Variants in CUBN observed in about 807,000 individuals in gnomAD.
CUBN encodes cubilin, also known as 460 kDa receptor.
A neutral mutation model predicts 405.3 loss-of-function variants in CUBN; 282 were observed. That is an observed-to-expected ratio of 0.70 (90% confidence interval 0.63 to 0.77). The LOEUF (loss-of-function observed/expected upper bound fraction) is 0.77, where lower values mean the gene tolerates loss of function less well. CUBN is among the 30% of genes least tolerant of loss of function. The pLI, the probability that CUBN is intolerant of heterozygous loss-of-function variation, is 0.00. For synonymous variants in CUBN, 1,684 were observed against 1,617.0 expected, an observed-to-expected ratio of 1.04 and a Z score of -0.99; for missense variants, 4,514 against 4,475.2, an observed-to-expected ratio of 1.01 and a Z score of -0.25.
intron 60 of CUBN, among the ~76,000 whole-genome samples, chr10:16,843,515 G>C (rs555423263): frequency 6.6e-6 from 1 of 152,046 alleles, no homozygotes; most frequent in East Asian, 1.9e-4. Context: ...AGAATCAGAT[G>C]AAACTCGAGT....
At position 16,915,159 on chromosome 10, in the gene CUBN, G is replaced by T; in HGVS notation, c.7224C>A (p.Gly2408=). ...WDNHTSGNIL[G]RYCGNTIPDS... Reference sequence around the variant, plus strand: ...CAGGAATGGTGTTTCCACAGTATCTGCCCAAGATGTTTCCTGTGAGAGACA... The same window carrying T: ...CAGGAATGGTGTTTCCACAGTATCTTCCCAAGATGTTTCCTGTGAGAGACA... Residue 2408 remains glycine (G), a synonymous_variant, in exon 47 of 67, where the codon GGC becomes GGA. Coordinates refer to ENST00000377833, the MANE Select transcript of CUBN (RefSeq NM_001081.4). 6.2e-7 allele frequency: 1 copy of T among 1,613,848 alleles called. No individual in the cohort carries two copies. The highest frequency in any genetic ancestry group is 1.1e-5 in the South Asian group (1 of 91,052).
chr10:17,098,235 A>T (rs11254370), intron 14 of CUBN, among the ~76,000 whole-genome samples: 90,816 of 151,982 alleles, frequency 0.6, 29,017 homozygotes, highest in Non-Finnish European at 0.73. Flanking sequence ...CAGCCTTTAG[A>T]CAGCTACAGT....
chr10:17,097,538 A>C (rs1369778337), intron 14 of CUBN, among the ~76,000 whole-genome samples: 1 of 152,216 alleles, frequency 6.6e-6, no homozygotes, highest in Admixed American at 6.5e-5. Context: ...CTTTTCTATT[A>C]ATTTTAAAAC....
intron 31 of CUBN, among the ~76,000 whole-genome samples, chr10:16,976,501 TTA>T (rs59154163): frequency 0.52 from 78,250 of 149,552 alleles, 20,577 homozygotes; most frequent in Non-Finnish European, 0.56. Flanking sequence ...TTTGTTATTA[TTA>T]TTTTTTTTTT....
Position 16,915,905 on chromosome 10 carries a change from T to C in CUBN, c.7126A>G (p.Thr2376Ala), listed in dbSNP as rs2131458000. 2 of 1,609,492 alleles carry C rather than the reference T, an allele frequency of 1.2e-6. No homozygotes were observed. The highest frequency in any genetic ancestry group is 2.2e-5 in the South Asian group (2 of 91,006). The change falls in exon 46 of 67, where the codon ACC becomes GCC. Residue 2376 changes from threonine to alanine, a missense_variant. By Grantham distance (58) the Thr-to-Ala change is moderately conservative (BLOSUM62 0). Transcript: ENST00000377833. The stretch of plus-strand genomic sequence containing the variant: ...AGGTTAAAGTCTTCAAAAGAGATGG[T>C]GAGATAGTGTCCAGAGAGCCCCTGG... ...HLQGLSGHYL[T>A]ISFEDFNLQN...
At chr10:16,882,348 T>A (rs1840686138) in intron 56 of CUBN, among the ~76,000 whole-genome samples, 1 of 152,256 alleles carries the variant, frequency 6.6e-6, no homozygotes, top group African/African-American at 2.4e-5. Flanking sequence ...TCCCTATCAT[T>A]TGTTTTTATG....
At chr10:16,949,083 C>T (rs1051299335) in intron 34 of CUBN, among the ~76,000 whole-genome samples, 5 of 152,130 alleles carry the variant, frequency 3.3e-5, no homozygotes, top group African/African-American at 7.2e-5. Flanking sequence ...GAAAAAGGGG[C>T]ATATTGAAAA....
intron 8 of CUBN, among the ~76,000 whole-genome samples, chr10:17,112,632 A>G (rs1055278473): frequency 2.6e-5 from 4 of 152,040 alleles, no homozygotes; most frequent in Admixed American, 6.5e-5. Context: ...GCCCCTGAGA[A>G]CTAAGAGGGA....
intron 29 of CUBN, among the ~76,000 whole-genome samples, chr10:16,987,790 T>A (rs1833468604): frequency 6.6e-6 from 1 of 152,212 alleles, no homozygotes; most frequent in Admixed American, 6.5e-5. Flanking sequence ...ATTACAGCGT[T>A]TTCCAAATGA....
chr10:16,992,116 T>A (rs951671700), intron 28 of CUBN, among the ~76,000 whole-genome samples: 1 of 152,058 alleles, frequency 6.6e-6, no homozygotes, highest in African/African-American at 2.4e-5. Flanking sequence ...CTGGAAACCA[T>A]CATTCTGAGC....
intron 49 of CUBN, 44 bp downstream of exon 49, chr10:16,907,464 T>G: frequency 6.2e-7 from 1 of 1,603,122 alleles, no homozygotes. Context: ...GCATCTGCAG[T>G]GCCCCTGATT....
chr10:16,940,276 A>G (rs1842619937), intron 36 of CUBN, 39 bp from the exon 37 acceptor site: 1 of 1,555,738 alleles, frequency 6.4e-7, no homozygotes, highest in Admixed American at 1.7e-5. Flanking sequence ...GATTAAATTG[A>G]GAGAATAGAC....
At chr10:16,902,042 T>C (rs1444768932) in intron 51 of CUBN, among the ~76,000 whole-genome samples, 5 of 134,254 alleles carry the variant, frequency 3.7e-5, no homozygotes, top group Non-Finnish European at 6.3e-5. Flanking sequence ...TATATATATA[T>C]ACACACACCA....
chr10:16,939,225 G>A (rs1251989498), intron 37 of CUBN, 78 bp from the exon 38 acceptor site: 1 of 1,166,094 alleles, frequency 8.6e-7, no homozygotes, highest in East Asian at 2.4e-5. Context: ...AAAAGGCAAA[G>A]GGTGTTGAAA....
At chr10:16,943,914 GATTAA>G (rs1347488556) in intron 36 of CUBN, among the ~76,000 whole-genome samples, 1 of 152,182 alleles carries the variant, frequency 6.6e-6, no homozygotes, top group African/African-American at 2.4e-5. Context: ...TACCTAGAAG[GATTAA>G]ATTAAACTAT....
intron 22 of CUBN, among the ~76,000 whole-genome samples, chr10:17,053,745 C>T (rs915480828): frequency 1.8e-4 from 27 of 152,246 alleles, no homozygotes; most frequent in Middle Eastern, 3.4e-3. Flanking sequence ...GAGAGCACTA[C>T]ACTTAATAAC....
intron 56 of CUBN, among the ~76,000 whole-genome samples, chr10:16,881,678 T>G (rs191233915): frequency 6.6e-6 from 1 of 152,220 alleles, no homozygotes; most frequent in Admixed American, 6.5e-5. Flanking sequence ...TCCTTTCTAG[T>G]AGTCGTTTGT....
chr10:17,110,864 A>G, intron 9 of CUBN, 55 bp downstream of exon 9: 2 of 1,612,784 alleles, frequency 1.2e-6, no homozygotes, highest in Non-Finnish European at 1.7e-6. Context: ...CCGTATTCCT[A>G]TGTCTGTGTT....
chr10:17,080,685 T>C (rs182008525), intron 17 of CUBN, among the ~76,000 whole-genome samples: 36 of 152,316 alleles, frequency 2.4e-4, no homozygotes, highest in Admixed American at 3.9e-4. Context: ...TAACATCGTA[T>C]AGCCTTCTGA....
Sources: gnomAD v4.1 joint callset for allele counts (sites outside exome capture counted in the v4.1 genomes callset) on GRCh38, gnomAD v4.1.1 for gene constraint, MANE v1.5 for transcripts, NCBI Gene and HGNC (gene_info 2026-07-23, HGNC 2026-07-21) for gene names.